Variants in PPP1R12A observed in about 807,000 individuals in gnomAD.
PPP1R12A encodes the protein myosin binding subunit.
In PPP1R12A, 19 loss-of-function variants were observed where a neutral mutation model predicts 139.6. The ratio of observed to expected loss-of-function variants is 0.14; its 90% CI spans 0.09 to 0.20. The LOEUF is 0.20. Among genes scored for constraint, PPP1R12A ranks in the 10% least tolerant of loss-of-function variants. The pLI is 1.00. For synonymous variants in PPP1R12A, 427 were observed against 420.6 expected (o/e 1.02, Z -0.19); for missense variants, 925 against 1,211.5 (o/e 0.76, Z 3.51).
upstream of PPP1R12A, chr12:79,935,431 C>T (rs1192332218): frequency 6.1e-6 from 6 of 990,424 alleles, no homozygotes; most frequent in Middle Eastern, 5.1e-4. Context: ...AGCAGTGGAA[C>T]CGCAAGGCTC....
At chr12:79,792,183 T>C (rs767654404) in intron 19 of PPP1R12A, among the ~76,000 whole-genome samples, 2 of 152,190 alleles carry the variant, frequency 1.3e-5, no homozygotes, top group African/African-American at 2.4e-5. Context: ...AATATTGATC[T>C]ATGCACATAC....
At chr12:79,930,961 A>T (rs1355121453) in intron 1 of PPP1R12A, among the ~76,000 whole-genome samples, 1 of 152,200 alleles carries the variant, frequency 6.6e-6, no homozygotes, top group Non-Finnish European at 1.5e-5. Context: ...AAAGATTAAT[A>T]CATCATTAAC....
intron 1 of PPP1R12A, among the ~76,000 whole-genome samples, chr12:79,894,623 G>GTA (rs1884964958): frequency 6.6e-6 from 1 of 151,954 alleles, no homozygotes; most frequent in African/African-American, 2.4e-5. Context: ...ACAAAAAGGA[G>GTA]TATATATATA....
chr12:79,842,479 C>T (rs1367418982), intron 3 of PPP1R12A, among the ~76,000 whole-genome samples: 36 of 152,022 alleles, frequency 2.4e-4, no homozygotes, highest in Non-Finnish European at 1.5e-5. Context: ...ATATTTCATA[C>T]CATTCCTCTA....
intron 2 of PPP1R12A, among the ~76,000 whole-genome samples, chr12:79,862,317 C>T (rs1881433286): frequency 6.6e-6 from 1 of 152,096 alleles, no homozygotes; most frequent in Admixed American, 6.5e-5. Flanking sequence ...TGTAGGTCAC[C>T]AACGTTAAAG....
intron 3 of PPP1R12A, among the ~76,000 whole-genome samples, chr12:79,840,645 C>T (rs1369927887): frequency 6.6e-6 from 1 of 152,136 alleles, no homozygotes; most frequent in Non-Finnish European, 1.5e-5. Context: ...CAATTCTTTA[C>T]CAAACTGTTC....
chr12:79,932,079 T>G (rs895335352), intron 1 of PPP1R12A, among the ~76,000 whole-genome samples: 4 of 152,152 alleles, frequency 2.6e-5, no homozygotes, highest in Non-Finnish European at 5.9e-5. Flanking sequence ...GAACACTTGA[T>G]CAAAACCAGA....
At chr12:79,788,910 T>C (rs757527320) in intron 20 of PPP1R12A, 127 bp from the exon 21 acceptor site, 30 of 778,572 alleles carry the variant, frequency 3.9e-5, no homozygotes, top group Non-Finnish European at 5.1e-5. Flanking sequence ...TGTTATCTGA[T>C]TAATTTTTGT....
chr12:79,821,707 C>T (rs534059731), intron 6 of PPP1R12A, among the ~76,000 whole-genome samples: 9 of 150,950 alleles, frequency 6.0e-5, no homozygotes, highest in Non-Finnish European at 1.0e-4. Flanking sequence ...GAGTTGAGAT[C>T]GCGCCACTGT....
chr12:79,849,212 C>T (rs941040108), intron 2 of PPP1R12A, among the ~76,000 whole-genome samples: 5 of 151,894 alleles, frequency 3.3e-5, no homozygotes, highest in African/African-American at 1.2e-4. Flanking sequence ...AGCAAAACCC[C>T]AACTCTACTA....
intron 1 of PPP1R12A, among the ~76,000 whole-genome samples, chr12:79,909,128 A>G (rs1886354423): frequency 6.6e-6 from 1 of 152,190 alleles, no homozygotes; most frequent in Admixed American, 6.5e-5. Context: ...CAAACTTCTC[A>G]GGTTCAACTC....
chr12:79,844,829 C>A (rs1367230009), intron 3 of PPP1R12A, among the ~76,000 whole-genome samples: 2 of 152,190 alleles, frequency 1.3e-5, no homozygotes, highest in Non-Finnish European at 2.9e-5. Flanking sequence ...CCTCTAGCTG[C>A]TTCTCTGCAT....
At chr12:79,905,611 T>C (rs1351575262) in intron 1 of PPP1R12A, among the ~76,000 whole-genome samples, 1 of 152,188 alleles carries the variant, frequency 6.6e-6, no homozygotes, top group African/African-American at 2.4e-5. Context: ...AGCCTTAAAT[T>C]TGAGTCATTT....
chr12:79,932,507 G>T (rs1888327700), intron 1 of PPP1R12A, among the ~76,000 whole-genome samples: 1 of 152,154 alleles, frequency 6.6e-6, no homozygotes, highest in Non-Finnish European at 1.5e-5. Context: ...AAATGTTATG[G>T]AAAAGGGGAG....
At chr12:79,823,361 CACA>C (rs1237510320) in intron 5 of PPP1R12A, among the ~76,000 whole-genome samples, 3 of 151,974 alleles carry the variant, frequency 2.0e-5, no homozygotes, top group Non-Finnish European at 4.4e-5. Flanking sequence ...TTCCTATATC[CACA>C]ACAAGATCAG....
intron 1 of PPP1R12A, among the ~76,000 whole-genome samples, chr12:79,931,154 G>A (rs971322270): frequency 3.3e-5 from 5 of 152,056 alleles, no homozygotes; most frequent in South Asian, 2.1e-4. Context: ...TAATGTTAAC[G>A]GATAAACGTA....
intron 2 of PPP1R12A, among the ~76,000 whole-genome samples, chr12:79,848,409 ATCAT>A (rs1400577596): frequency 6.6e-6 from 1 of 152,150 alleles, no homozygotes; most frequent in African/African-American, 2.4e-5. Flanking sequence ...GGTATCACAA[ATCAT>A]TCAAAGGATA....
At chr12:79,807,181 T>G in intron 12 of PPP1R12A, 45 bp downstream of exon 12, 1 of 1,128,654 alleles carries the variant, frequency 8.9e-7, no homozygotes, top group Non-Finnish European at 1.2e-6. Context: ...GCCTCATATT[T>G]TTATAAATGA....
intron 1 of PPP1R12A, among the ~76,000 whole-genome samples, chr12:79,913,481 A>G (rs768079770): frequency 1.3e-5 from 2 of 152,300 alleles, no homozygotes; most frequent in South Asian, 4.1e-4. Flanking sequence ...TCATAAATCA[A>G]GTGTCCATAT....
Sources: gnomAD v4.1 joint callset for allele counts (sites outside exome capture counted in the v4.1 genomes callset) on GRCh38, gnomAD v4.1.1 for gene constraint, MANE v1.5 for transcripts, NCBI Gene and HGNC (gene_info 2026-07-23, HGNC 2026-07-21) for gene names.